BAZ1A: variants seen among roughly 807,000 people sequenced by gnomAD.
BAZ1A encodes the protein bromodomain adjacent to zinc finger domain 1A, also known as bromodomain adjacent to zinc finger domain protein 1A.
BAZ1A carries 50 observed loss-of-function variants against 185.2 expected under a neutral mutation model. The ratio of observed to expected loss-of-function variants is 0.27; its 90% CI spans 0.22 to 0.34. The LOEUF (loss-of-function observed/expected upper bound fraction) is 0.34. Among genes scored for constraint, BAZ1A ranks in the 10% least tolerant of loss-of-function variants. The pLI, the probability that BAZ1A is intolerant of heterozygous loss-of-function variation, is 1.00. For synonymous variants in BAZ1A, 571 were observed against 615.6 expected (o/e 0.93, Z 1.07); for missense variants, 1,356 against 1,839.9 (o/e 0.74, Z 4.81).
At chr14:34,779,495 T>C (rs951490475) in intron 17 of BAZ1A, among the ~76,000 whole-genome samples, 2 of 152,116 alleles carry the variant, frequency 1.3e-5, no homozygotes, top group Non-Finnish European at 2.9e-5. Flanking sequence ...AATCAGACAA[T>C]ACAGCTTCCA....
intron 9 of BAZ1A, among the ~76,000 whole-genome samples, chr14:34,799,651 G>A (rs1402581195): frequency 6.6e-6 from 1 of 150,522 alleles, no homozygotes; most frequent in Admixed American, 6.6e-5. Context: ...TTGTTCTGTT[G>A]CCCAGGCTGG....
At chr14:34,825,704 G>A (rs996900664) in intron 4 of BAZ1A, among the ~76,000 whole-genome samples, 4 of 152,038 alleles carry the variant, frequency 2.6e-5, no homozygotes, top group Middle Eastern at 3.4e-3. Flanking sequence ...TTGAGGGGCC[G>A]AGGCAGGCAG....
chr14:34,843,433 G>A (rs1477922502), intron 3 of BAZ1A, among the ~76,000 whole-genome samples: 1 of 152,040 alleles, frequency 6.6e-6, no homozygotes, highest in Non-Finnish European at 1.5e-5. Flanking sequence ...AGGGCTAGTC[G>A]CCTGTAGAAT....
rs1343449584 is a variant in BAZ1A at position 34,761,933 on chromosome 14, C to A, written c.4067G>T (p.Arg1356Ile). Residue 1356 changes from arginine to isoleucine, a missense_variant, in exon 24 of 27, where the codon AGA becomes ATA. Coordinates refer to ENST00000360310, the MANE Select transcript of BAZ1A (RefSeq NM_013448.3). ...AGCACTTTTCCTGCCTCTGCGTTTT[C>A]TACGAGGACTAAGCAATTCCACAAA... ...DVFVELLSPR[R>I]KRRGRKSANN... 1.2e-6 allele frequency: 2 copies of A among 1,614,194 alleles called. No homozygotes were observed. Among genetic ancestry groups the A allele is most frequent in the Non-Finnish European group, 1.7e-6 (2 of 1,180,038 alleles).
At chr14:34,870,490 C>A (rs922990525) in intron 2 of BAZ1A, among the ~76,000 whole-genome samples, 2 of 152,210 alleles carry the variant, frequency 1.3e-5, no homozygotes, top group African/African-American at 4.8e-5. Context: ...GAAAGACATT[C>A]TTCCCTACTA....
intron 4 of BAZ1A, among the ~76,000 whole-genome samples, chr14:34,824,884 G>A (rs1255079703): frequency 6.6e-6 from 1 of 152,212 alleles, no homozygotes; most frequent in East Asian, 1.9e-4. Context: ...AGTCTGAGAT[G>A]CCCAAAAGGG....
At chr14:34,766,658 C>T (rs1878864907) in intron 21 of BAZ1A, among the ~76,000 whole-genome samples, 1 of 152,118 alleles carries the variant, frequency 6.6e-6, no homozygotes. Context: ...TCAAGCAAAG[C>T]CTTGAACAGG....
At chr14:34,786,278 T>C in intron 12 of BAZ1A, 57 bp from the exon 13 acceptor site, 1 of 1,468,328 alleles carries the variant, frequency 6.8e-7, no homozygotes, top group South Asian at 1.2e-5. Context: ...TATTTGGGAA[T>C]AATGCCCGTT....
At chr14:34,758,613 T>G in intron 25 of BAZ1A, 91 bp downstream of exon 25, 1 of 1,283,922 alleles carries the variant, frequency 7.8e-7, no homozygotes, top group South Asian at 1.5e-5. Flanking sequence ...AACTAGACAG[T>G]GAGTAACAGG....
rs1221678277 is a variant in BAZ1A at position 34,864,424 on chromosome 14, T to C, written c.114-2102A>G. On this transcript the variant is annotated intron_variant, in intron 2 of 26. Transcript: ENST00000360310. ...TCCCATAGTGCTGGGATTAGAGGCA[T>C]GAGCCACCGCATTCAGTCCTGTTTA... Among the ~76,000 whole-genome samples the C allele has an allele frequency of 2.6e-5, 4 of 152,122 alleles. No homozygotes were observed. The East Asian group carries it at 5.8e-4, about 22-fold the overall frequency.
intron 2 of BAZ1A, 111 bp from the exon 3 acceptor site, chr14:34,862,433 T>G: frequency 1.6e-6 from 2 of 1,222,508 alleles, no homozygotes; most frequent in Non-Finnish European, 1.1e-6. Flanking sequence ...AATGCAAAAT[T>G]TTATGTAGAC....
chr14:34,853,751 C>T lies in BAZ1A; in HGVS notation c.392+8293G>A, dbSNP rs376199581. Among the ~76,000 whole-genome samples the T allele has an allele frequency of 8.3e-4, 127 of 152,298 alleles. 1 individual carries two copies. In the South Asian group the frequency reaches 0.025, roughly 30 times the overall value. The stretch of plus-strand genomic sequence containing the variant: ...GCAGTTAGCTGAGATGGTGCCACTG[C>T]ACTCCAGCCAGGGCGACAGAGCAAG... On this transcript the variant is annotated intron_variant, in intron 3 of 26. Coordinates refer to ENST00000360310, the MANE Select transcript of BAZ1A (RefSeq NM_013448.3).
At chr14:34,841,923 G>A (rs2042421227) in intron 3 of BAZ1A, among the ~76,000 whole-genome samples, 1 of 151,900 alleles carries the variant, frequency 6.6e-6, no homozygotes, top group Non-Finnish European at 1.5e-5. Flanking sequence ...TATGATTCAA[G>A]ACTCCATCCT....
Position 34,874,640 on chromosome 14 carries a change from C to T in BAZ1A, c.-36G>A. 2 of 1,530,662 alleles carry T rather than the reference C, an allele frequency of 1.3e-6. No homozygotes were observed. The highest frequency in any genetic ancestry group is 1.8e-6 in the Non-Finnish European group (2 of 1,121,860). 94.8% of individuals were successfully genotyped at this position (1,530,662 alleles called of 1,614,324 possible). On this transcript the variant is annotated 5_prime_UTR_variant, in exon 2 of 27. Transcript: ENST00000360310. This position sits in a 1 kb window ranked among gnomAD's most constrained non-coding sequence, Gnocchi z 4.7. ...CCCGCGGGCTCGCCTGGACCCTCGG[C>T]CGCCCGCGCCGGCCCCGCTTCCCTA... is the stretch of plus-strand genomic sequence containing the variant.
intron 3 of BAZ1A, among the ~76,000 whole-genome samples, chr14:34,861,314 C>T (rs2042765833): frequency 6.6e-6 from 1 of 152,096 alleles, no homozygotes; most frequent in African/African-American, 2.4e-5. Context: ...GATAATTTTT[C>T]ATTTATTGCC....
rs544583566 is a variant in BAZ1A, at chr14:34,765,315, T to C, written c.3302-47A>G. ...ATTACAATTTTTTAGGCAAACCTAG[T>C]AATCTTCCTAGAAATAGTTTGTTGG... On this transcript the variant is annotated intron_variant, in intron 21 of 26. Transcript: ENST00000360310. The C allele has an allele frequency of 4.4e-6, 7 of 1,591,586 alleles. No individual in the cohort carries two copies. In the East Asian group the frequency reaches 1.6e-4, roughly 36 times the overall value.
chr14:34,842,117 C>G (rs2042424083), intron 3 of BAZ1A, among the ~76,000 whole-genome samples: 2 of 152,132 alleles, frequency 1.3e-5, no homozygotes, highest in Non-Finnish European at 2.9e-5. Flanking sequence ...CCTACAACAG[C>G]AGCCAGCACA....
chr14:34,803,601 T>C (rs1881695426), intron 6 of BAZ1A, among the ~76,000 whole-genome samples: 1 of 147,648 alleles, frequency 6.8e-6, no homozygotes, highest in Non-Finnish European at 1.5e-5. Context: ...TACAATAATT[T>C]GTTTTGCTTT....
intron 3 of BAZ1A, among the ~76,000 whole-genome samples, chr14:34,843,889 T>A (rs2042457161): frequency 6.6e-6 from 1 of 152,116 alleles, no homozygotes; most frequent in South Asian, 2.1e-4. Flanking sequence ...CAAATCCAGC[T>A]CATCACCTTT....
Sources: gnomAD v4.1 joint callset for allele counts (sites outside exome capture counted in the v4.1 genomes callset) on GRCh38, gnomAD v4.1.1 for gene constraint, Gnocchi (gnomAD v3.1) non-coding constraint, MANE v1.5 for transcripts, NCBI Gene and HGNC (gene_info 2026-07-23, HGNC 2026-07-21) for gene names.